The following PMEPA1 variants were observed in gnomAD, a reference collection of about 807,000 sequenced individuals.
The protein encoded by PMEPA1 is prostate transmembrane protein, androgen induced 1, also known as protein TMEPAI.
PMEPA1 carries 11 observed loss-of-function variants against 23.0 expected under a neutral mutation model. That is an observed-to-expected ratio of 0.48 (90% CI 0.30 to 0.79). The LOEUF is 0.79. PMEPA1 is among the 30% of genes least tolerant of loss of function. The pLI is 0.06. For synonymous variants in PMEPA1, 204 were observed against 166.4 expected, an observed-to-expected ratio of 1.23 and a Z score of -1.74; for missense variants, 377 against 390.9, an observed-to-expected ratio of 0.96 and a Z score of 0.30.
At chr20:57,660,834 G>T (rs972677296) in intron 1 of PMEPA1, among the ~76,000 whole-genome samples, 17 of 146,712 alleles carry the variant, frequency 1.2e-4, no homozygotes, top group African/African-American at 4.1e-4. Flanking sequence ...CTACACACAC[G>T]TCAACACCAA....
At chr20:57,660,721 G>T (rs879900211) in intron 1 of PMEPA1, among the ~76,000 whole-genome samples, 2 of 102,918 alleles carry the variant, frequency 1.9e-5, no homozygotes, top group African/African-American at 9.1e-5. Context: ...ACCCCAACAC[G>T]TACCCCTAAC....
intron 1 of PMEPA1, among the ~76,000 whole-genome samples, chr20:57,689,967 T>C (rs1333188968): frequency 2.0e-5 from 3 of 152,210 alleles, no homozygotes; most frequent in African/African-American, 7.2e-5. Context: ...CCGAGGTCCA[T>C]GGGGCACTTA....
chr20:57,704,334 G>T lies in PMEPA1; in HGVS notation c.109+5140C>A, dbSNP rs2072048689. On this transcript the variant is annotated intron_variant, in intron 1 of 3. Coordinates refer to ENST00000341744, the MANE Select transcript of PMEPA1 (RefSeq NM_020182.5). This position sits in a 1 kb window ranked among gnomAD's most constrained non-coding sequence, Gnocchi z 4.6. The stretch of plus-strand genomic sequence containing the variant: ...TGAACCATGCTCCCCCAGCCTCGGG[G>T]AGCCCCTGGCACAGCATGGTACCAT... 6.6e-6 allele frequency among the ~76,000 whole-genome samples: 1 copy of T among 152,146 alleles called. No homozygotes were observed. The highest frequency in any genetic ancestry group is 2.1e-4 in the South Asian group (1 of 4,824).
At chr20:57,697,963 GGGCAGA>G (rs1477837786) in intron 1 of PMEPA1, among the ~76,000 whole-genome samples, 1 of 152,210 alleles carries the variant, frequency 6.6e-6, no homozygotes, top group Non-Finnish European at 1.5e-5. Flanking sequence ...GTAGGGAATG[GGGCAGA>G]GGCTCCCTTA....
chr20:57,688,980 C>A (rs986158487), intron 1 of PMEPA1, among the ~76,000 whole-genome samples: 1 of 152,244 alleles, frequency 6.6e-6, no homozygotes, highest in African/African-American at 2.4e-5. Context: ...TGCCTCTGGG[C>A]CTTCGATCCC....
intron 1 of PMEPA1, among the ~76,000 whole-genome samples, chr20:57,695,253 C>T (rs936292332): frequency 3.9e-5 from 6 of 152,246 alleles, no homozygotes; most frequent in Non-Finnish European, 7.3e-5. Context: ...TGGAGCCCAG[C>T]GGGGCTGGCA....
rs1257842167 is a variant in PMEPA1, at chr20:57,702,981, G to A, written c.109+6493C>T. ...GGGTGCTGAAGCCCCTGCCCTGGCT[G>A]GTAAGTCATTCTGGGATTTTTCCCG... On this transcript the variant is annotated intron_variant, in intron 1 of 3. Coordinates refer to ENST00000341744, the MANE Select transcript of PMEPA1 (RefSeq NM_020182.5). Among the ~76,000 whole-genome samples the A allele has an allele frequency of 3.3e-5, 5 of 152,334 alleles. No individual in the cohort carries two copies. The East Asian group carries it at 9.7e-4, about 29-fold the overall frequency.
At chr20:57,694,184 C>T (rs2071917436) in intron 1 of PMEPA1, among the ~76,000 whole-genome samples, 1 of 152,190 alleles carries the variant, frequency 6.6e-6, no homozygotes, top group Non-Finnish European at 1.5e-5. Flanking sequence ...TTCCATCCTA[C>T]AGGAGGAGCT....
upstream of PMEPA1, chr20:57,710,599 C>T (rs181867175): frequency 6.2e-4 from 534 of 859,124 alleles, 4 homozygotes; most frequent in African/African-American, 8.3e-3. Flanking sequence ...TAGACACGCC[C>T]GGAAGCCCTT....
Position 57,652,164 on chromosome 20 carries a change from C to T in PMEPA1, c.753G>A (p.Gly251=), listed in dbSNP as rs1246629054. Residue 251 remains glycine, a synonymous_variant, in exon 4 of 4, where the codon GGG becomes GGA. Coordinates refer to ENST00000341744, the MANE Select transcript of PMEPA1 (RefSeq NM_020182.5). This position sits in a 1 kb window ranked among gnomAD's most constrained non-coding sequence, Gnocchi z 6.1. ...GSSFQHQQSS[G]PPSLLEGTRL... ...GGGTCCCCTCCAGCAAGGAGGGCGG[C>T]CCACTGCTCTGCTGGTGCTGGAAGG... 1 of 1,606,422 alleles carries T rather than the reference C, an allele frequency of 6.2e-7. No individual in the cohort carries two copies. The highest frequency in any genetic ancestry group is 1.3e-5 in the African/African-American group (1 of 74,930).
intron 1 of PMEPA1, among the ~76,000 whole-genome samples, chr20:57,678,878 C>T (rs965936115): frequency 6.6e-6 from 1 of 152,182 alleles, no homozygotes; most frequent in African/African-American, 2.4e-5. Flanking sequence ...CAATCAAATA[C>T]TCCCAAAAGG....
At chr20:57,667,747 T>A (rs907247401) in intron 1 of PMEPA1, among the ~76,000 whole-genome samples, 1 of 152,166 alleles carries the variant, frequency 6.6e-6, no homozygotes, top group Non-Finnish European at 1.5e-5. Flanking sequence ...CGGGGCCTCA[T>A]TGTCATTCTG....
At chr20:57,664,090 C>T (rs770939448) in intron 1 of PMEPA1, among the ~76,000 whole-genome samples, 1 of 152,210 alleles carries the variant, frequency 6.6e-6, no homozygotes, top group Non-Finnish European at 1.5e-5. Flanking sequence ...CCATGCAGTG[C>T]CTGCTGGCGA....
At chr20:57,667,197 A>C (rs1277141147) in intron 1 of PMEPA1, among the ~76,000 whole-genome samples, 4 of 152,224 alleles carry the variant, frequency 2.6e-5, no homozygotes, top group Non-Finnish European at 5.9e-5. Context: ...AGCTCAGGTA[A>C]GGCAAAGACA....
chr20:57,699,967 G>A, intron 1 of PMEPA1: 1 of 463,734 alleles, frequency 2.2e-6, no homozygotes, highest in Non-Finnish European at 4.5e-6. Flanking sequence ...AAATACAAAT[G>A]TATATTGTAT....
rs2071323597 is a variant in PMEPA1 at position 57,656,147 on chromosome 20, A to G, written c.265-3061T>C. Among the ~76,000 whole-genome samples, 1 of 151,380 alleles carries G rather than the reference A, an allele frequency of 6.6e-6. No individual in the cohort carries two copies. Among genetic ancestry groups the G allele is most frequent in the Non-Finnish European group, 1.5e-5 (1 of 67,764 alleles). ...GGACTCAGAGATGTTTCTAAAGAAT[A>G]AAGAGATGTTCCTAAAAAATTCGGT... On this transcript the variant is annotated intron_variant, in intron 2 of 3. Coordinates refer to ENST00000341744, the MANE Select transcript of PMEPA1 (RefSeq NM_020182.5). The surrounding 1 kb of genome is among the most constrained non-coding windows in gnomAD (Gnocchi z 4.7).
At chr20:57,685,942 A>G (rs157103) in intron 1 of PMEPA1, among the ~76,000 whole-genome samples, 96,419 of 151,970 alleles carry the variant, frequency 0.63, 32,489 homozygotes, top group African/African-American at 0.87. Context: ...ACAAAGGGTC[A>G]CTATAAAATG....
At chr20:57,701,260 C>T (rs2072007692) in intron 1 of PMEPA1, among the ~76,000 whole-genome samples, 1 of 152,138 alleles carries the variant, frequency 6.6e-6, no homozygotes, top group South Asian at 2.1e-4. Flanking sequence ...GTCACAATAG[C>T]TGCTTAGCTC....
intron 1 of PMEPA1, among the ~76,000 whole-genome samples, chr20:57,661,560 G>C (rs919353547): frequency 2.0e-5 from 3 of 152,226 alleles, no homozygotes; most frequent in African/African-American, 7.2e-5. Context: ...CAGTGCCACT[G>C]ACTCAGTTCC....
Sources: gnomAD v4.1 joint callset for allele counts (sites outside exome capture counted in the v4.1 genomes callset) on GRCh38, gnomAD v4.1.1 for gene constraint, Gnocchi (gnomAD v3.1) non-coding constraint, MANE v1.5 for transcripts, NCBI Gene and HGNC (gene_info 2026-07-23, HGNC 2026-07-21) for gene names.